RALYL: variants seen among roughly 807,000 people sequenced by gnomAD.
RALYL encodes RALY RNA binding protein like.
RALYL carries 29 observed loss-of-function variants against 35.1 expected under a neutral mutation model. The observed-to-expected ratio is 0.83, with a 90% confidence interval of 0.61 to 1.13. RALYL has a LOEUF of 1.13. Ranked by LOEUF, RALYL falls within the 50% of genes most tolerant of loss-of-function variation. The pLI is 0.00. For missense variants in RALYL, 359 were observed against 360.4 expected (o/e 1.00, Z 0.03); for synonymous variants, 120 against 127.6 (o/e 0.94, Z 0.40).
chr8:84,220,569 A>G (rs1367293485), intron 1 of RALYL, among the ~76,000 whole-genome samples: 1 of 152,046 alleles, frequency 6.6e-6, no homozygotes, highest in Non-Finnish European at 1.5e-5. Context: ...AACATAACCA[A>G]TTTCCAAATG....
At chr8:84,484,107 G>T (rs556053750) in intron 1 of RALYL, among the ~76,000 whole-genome samples, 1 of 151,962 alleles carries the variant, frequency 6.6e-6, no homozygotes, top group African/African-American at 2.4e-5. Flanking sequence ...AAGAGAAAAG[G>T]GTTCAATAAA....
chr8:84,752,503 A>G (rs1038200388), intron 2 of RALYL, among the ~76,000 whole-genome samples: 91 of 152,324 alleles, frequency 6.0e-4, no homozygotes, highest in African/African-American at 2.2e-3. Flanking sequence ...AAAGGAAGGC[A>G]AGTGCTGATA....
chr8:84,685,686 T>A (rs963382394), intron 2 of RALYL, among the ~76,000 whole-genome samples: 1 of 152,148 alleles, frequency 6.6e-6, no homozygotes, highest in Admixed American at 6.6e-5. Context: ...ACAGGGCTAA[T>A]GATCAAATGG....
intron 1 of RALYL, among the ~76,000 whole-genome samples, chr8:84,393,971 T>G (rs1436323285): frequency 1.3e-5 from 2 of 152,254 alleles, no homozygotes; most frequent in East Asian, 3.9e-4. Context: ...ATTTTCCTGT[T>G]GTTGAAATTA....
intron 1 of RALYL, among the ~76,000 whole-genome samples, chr8:84,475,921 A>G (rs2053349627): frequency 6.6e-6 from 1 of 152,198 alleles, no homozygotes; most frequent in African/African-American, 2.4e-5. Context: ...TAAATTTGGC[A>G]TTAATGTTGC....
chr8:84,461,181 T>C (rs2050729863), intron 1 of RALYL, among the ~76,000 whole-genome samples: 1 of 151,622 alleles, frequency 6.6e-6, no homozygotes, highest in African/African-American at 2.4e-5. Context: ...CTTTTAAATG[T>C]GGAAACCCTG....
chr8:84,283,373 A>G (rs1327312596), intron 1 of RALYL, among the ~76,000 whole-genome samples: 1 of 152,134 alleles, frequency 6.6e-6, no homozygotes, highest in African/African-American at 2.4e-5. Flanking sequence ...CACTACCTAG[A>G]AAGAGCCATC....
At chr8:84,559,902 C>CCAAG (rs1018416647) in intron 2 of RALYL, among the ~76,000 whole-genome samples, 6 of 150,932 alleles carry the variant, frequency 4.0e-5, no homozygotes, top group Non-Finnish European at 5.9e-5. Flanking sequence ...GTTATGAGCT[C>CCAAG]CAAGAGTACT....
intron 8 of RALYL, among the ~76,000 whole-genome samples, chr8:84,910,662 A>G (rs1847358390): frequency 6.6e-6 from 1 of 152,132 alleles, no homozygotes; most frequent in African/African-American, 2.4e-5. Flanking sequence ...AATCATGTGC[A>G]TAGCTTCTCA....
chr8:84,773,656 G>A (rs1294031999), intron 2 of RALYL, among the ~76,000 whole-genome samples: 1 of 152,126 alleles, frequency 6.6e-6, no homozygotes, highest in Non-Finnish European at 1.5e-5. Context: ...GGCAAAGTAT[G>A]TGCTCTCTTC....
At chr8:84,759,802 T>A (rs1032248230) in intron 2 of RALYL, among the ~76,000 whole-genome samples, 34 of 152,214 alleles carry the variant, frequency 2.2e-4, no homozygotes, top group African/African-American at 7.7e-4. Context: ...AATCTACTGT[T>A]TTATAAAATG....
intron 1 of RALYL, among the ~76,000 whole-genome samples, chr8:84,402,727 T>A (rs1355487829): frequency 1.3e-5 from 2 of 152,196 alleles, no homozygotes; most frequent in Admixed American, 1.3e-4. Flanking sequence ...GTTTCTGATT[T>A]TCAGCACATC....
At chr8:84,738,455 T>C (rs1847715613) in intron 2 of RALYL, among the ~76,000 whole-genome samples, 1 of 152,058 alleles carries the variant, frequency 6.6e-6, no homozygotes, top group African/African-American at 2.4e-5. Context: ...AGAATGGGTA[T>C]AGATCTTACA....
chr8:84,650,008 G>A (rs965431926), intron 2 of RALYL, among the ~76,000 whole-genome samples: 32 of 152,208 alleles, frequency 2.1e-4, no homozygotes, highest in Admixed American at 5.2e-4. Flanking sequence ...TCCCTTGTAA[G>A]TTGGATTCCT....
At chr8:84,313,487 A>G (rs1008043984) in intron 1 of RALYL, among the ~76,000 whole-genome samples, 5 of 152,124 alleles carry the variant, frequency 3.3e-5, no homozygotes, top group Non-Finnish European at 5.9e-5. Context: ...CCAATTTCAA[A>G]TCATCTCTTT....
At chr8:84,470,397 G>A (rs2052562303) in intron 1 of RALYL, among the ~76,000 whole-genome samples, 1 of 151,306 alleles carries the variant, frequency 6.6e-6, no homozygotes, top group African/African-American at 2.4e-5. Context: ...AGTTTGAAAT[G>A]AAATTAAAAA....
intron 2 of RALYL, among the ~76,000 whole-genome samples, chr8:84,616,778 A>G (rs1037156861): frequency 2.6e-4 from 40 of 151,788 alleles, no homozygotes; most frequent in Middle Eastern, 3.2e-3. Flanking sequence ...ATAAGGTGTA[A>G]GGAAGGGATC....
chr8:84,510,498 A>G (rs1379343912), intron 1 of RALYL, among the ~76,000 whole-genome samples: 3 of 152,106 alleles, frequency 2.0e-5, no homozygotes, highest in East Asian at 3.9e-4. Flanking sequence ...GCAATTTTTC[A>G]CCATGCTCTG....
At chr8:84,822,535 G>A (rs1828772038) in intron 4 of RALYL, among the ~76,000 whole-genome samples, 1 of 152,130 alleles carries the variant, frequency 6.6e-6, no homozygotes, top group Non-Finnish European at 1.5e-5. Flanking sequence ...AATGTCAGTT[G>A]CTGTTCTAAA....
Sources: allele counts gnomAD v4.1 joint callset (sites outside exome capture counted in the v4.1 genomes callset), GRCh38; gene constraint gnomAD v4.1.1; transcripts MANE v1.5; gene names NCBI Gene and HGNC (gene_info 2026-07-23, HGNC 2026-07-21).